Variants in ATG10 observed in about 807,000 individuals in gnomAD.
The protein encoded by ATG10 is autophagy related 10, also known as ubiquitin-like-conjugating enzyme ATG10.
In ATG10, 30 loss-of-function variants were observed where a neutral mutation model predicts 32.1. The observed-to-expected ratio is 0.94, with a 90% CI of 0.70 to 1.27. The LOEUF is 1.27. ATG10 is among the 50% of genes most tolerant of loss of function. ATG10 has a pLI of 0.00. For missense variants in ATG10, 233 were observed against 262.3 expected (o/e 0.89, Z 0.77); for synonymous variants, 87 against 91.5 (o/e 0.95, Z 0.28).
intron 4 of ATG10, among the ~76,000 whole-genome samples, chr5:82,174,357 G>T (rs575795338): frequency 6.6e-6 from 1 of 152,102 alleles, no homozygotes. Flanking sequence ...GGAGAGATTT[G>T]CAGAGACACA....
chr5:82,139,188 A>C (rs891815684), intron 3 of ATG10, among the ~76,000 whole-genome samples: 6 of 144,158 alleles, frequency 4.2e-5, no homozygotes, highest in Non-Finnish European at 9.1e-5. Flanking sequence ...ATCTCGGCTC[A>C]CTACAACCTA....
intron 2 of ATG10, among the ~76,000 whole-genome samples, chr5:82,011,190 C>A (rs1762117909): frequency 6.6e-6 from 1 of 152,102 alleles, no homozygotes; most frequent in African/African-American, 2.4e-5. Context: ...ATCCACTGCT[C>A]CTTCTGAATT....
intron 4 of ATG10, among the ~76,000 whole-genome samples, chr5:82,175,891 A>C (rs1216654718): frequency 7.7e-6 from 1 of 130,202 alleles, no homozygotes; most frequent in East Asian, 2.0e-4. Context: ...ACACACGCAC[A>C]CACACACACA....
At chr5:81,972,933 C>G (rs1448045778) in intron 1 of ATG10, among the ~76,000 whole-genome samples, 1 of 151,894 alleles carries the variant, frequency 6.6e-6, no homozygotes, top group Non-Finnish European at 1.5e-5. Context: ...AAAATGGAGC[C>G]TAACAGGCCC....
chr5:82,253,644 A>T (rs1747351883), intron 7 of ATG10, among the ~76,000 whole-genome samples: 1 of 152,154 alleles, frequency 6.6e-6, no homozygotes, highest in South Asian at 2.1e-4. Flanking sequence ...TCACAGCAGG[A>T]GGTGAGCGGC....
At chr5:82,166,991 T>C (rs1743610217) in intron 4 of ATG10, among the ~76,000 whole-genome samples, 1 of 152,200 alleles carries the variant, frequency 6.6e-6, no homozygotes, top group Admixed American at 6.5e-5. Flanking sequence ...AATAAATAGT[T>C]TCCATTTAAA....
At chr5:81,995,635 A>G (rs890973006) in intron 2 of ATG10, among the ~76,000 whole-genome samples, 1 of 152,110 alleles carries the variant, frequency 6.6e-6, no homozygotes, top group East Asian at 1.9e-4. Context: ...AAAAAGGGGG[A>G]AAATGTGCTA....
intron 1 of ATG10, among the ~76,000 whole-genome samples, chr5:81,975,792 T>C (rs1039087048): frequency 2.0e-5 from 3 of 152,092 alleles, no homozygotes; most frequent in Non-Finnish European, 4.4e-5. Flanking sequence ...TTTTTTATTG[T>C]ACTTTTGTAG....
At chr5:82,005,821 TC>T (rs1761973481) in intron 2 of ATG10, among the ~76,000 whole-genome samples, 1 of 152,174 alleles carries the variant, frequency 6.6e-6, no homozygotes, top group African/African-American at 2.4e-5. Context: ...AAACAAAATA[TC>T]CTACTTTCTT....
chr5:82,230,935 A>G (rs1746345932), intron 5 of ATG10, among the ~76,000 whole-genome samples: 1 of 152,236 alleles, frequency 6.6e-6, no homozygotes, highest in South Asian at 2.1e-4. Context: ...TCACAAAAGT[A>G]TATATTCACT....
intron 2 of ATG10, among the ~76,000 whole-genome samples, chr5:81,990,464 AG>A (rs1761419967): frequency 6.6e-6 from 1 of 152,170 alleles, no homozygotes; most frequent in Admixed American, 6.6e-5. Context: ...TTGTGTTTGA[AG>A]GGTGAGGAGG....
chr5:82,006,385 C>T (rs1478611604), intron 2 of ATG10, among the ~76,000 whole-genome samples: 2 of 152,096 alleles, frequency 1.3e-5, no homozygotes, highest in African/African-American at 4.8e-5. Flanking sequence ...AATGAATTCC[C>T]GCATACCCAT....
intron 3 of ATG10, among the ~76,000 whole-genome samples, chr5:82,145,305 C>A (rs1767307325): frequency 6.6e-6 from 1 of 151,912 alleles, no homozygotes; most frequent in Admixed American, 6.6e-5. Flanking sequence ...TGTTACCTTG[C>A]TTTTTTTATA....
intron 3 of ATG10, among the ~76,000 whole-genome samples, chr5:82,139,972 C>T (rs1206250607): frequency 2.0e-4 from 25 of 124,306 alleles, no homozygotes; most frequent in South Asian, 2.7e-4. Flanking sequence ...CCAGCCGCCC[C>T]GTCAGGGAGG....
chr5:82,069,496 T>G (rs1264816777), intron 3 of ATG10, among the ~76,000 whole-genome samples: 1 of 152,166 alleles, frequency 6.6e-6, no homozygotes, highest in East Asian at 1.9e-4. Context: ...ATTTTCAAAC[T>G]GGAATAGTGG....
chr5:82,203,057 G>A (rs1372294689), intron 5 of ATG10, among the ~76,000 whole-genome samples: 3 of 151,944 alleles, frequency 2.0e-5, no homozygotes, highest in Admixed American at 2.0e-4. Context: ...GCAAAACCCC[G>A]TCTCTACTAA....
chr5:82,083,195 G>C (rs1388630886), intron 3 of ATG10, among the ~76,000 whole-genome samples: 1 of 152,204 alleles, frequency 6.6e-6, no homozygotes, highest in Admixed American at 6.5e-5. Context: ...CCTGTGCCTG[G>C]CTCGTAGAAT....
At chr5:82,177,798 C>T (rs1228900154) in intron 4 of ATG10, among the ~76,000 whole-genome samples, 1 of 152,068 alleles carries the variant, frequency 6.6e-6, no homozygotes, top group Non-Finnish European at 1.5e-5. Flanking sequence ...TTTTACTGCC[C>T]TCTTCATGCC....
At chr5:82,206,429 C>CA (rs1430247876) in intron 5 of ATG10, among the ~76,000 whole-genome samples, 3 of 151,992 alleles carry the variant, frequency 2.0e-5, no homozygotes, top group Non-Finnish European at 4.4e-5. Context: ...GGGCGGATCA[C>CA]AAGGTCAGGA....
Sources: allele counts gnomAD v4.1 joint callset (sites outside exome capture counted in the v4.1 genomes callset), GRCh38; gene constraint gnomAD v4.1.1; transcripts MANE v1.5; gene names NCBI Gene and HGNC (gene_info 2026-07-23, HGNC 2026-07-21).